The following RB1 variants were observed in gnomAD, a reference collection of about 807,000 sequenced individuals.
RB1 encodes retinoblastoma-associated protein.
RB1 carries 18 observed loss-of-function variants against 135.4 expected under a neutral mutation model. That is an observed-to-expected ratio of 0.13 (90% CI 0.09 to 0.20). The LOEUF (loss-of-function observed/expected upper bound fraction) is 0.20. Ranked by LOEUF, RB1 falls within the 10% of genes least tolerant of loss-of-function variation. The probability of loss-of-function intolerance (pLI) is 1.00; values close to 1 mark genes in which losing one functional copy is unlikely to be tolerated. For synonymous variants in RB1, 365 were observed against 373.2 expected (o/e 0.98, Z 0.25); for missense variants, 868 against 1,110.0 (o/e 0.78, Z 3.10).
chr13:48,431,844 A>T (rs1006777114), intron 17 of RB1, among the ~76,000 whole-genome samples: 2 of 151,920 alleles, frequency 1.3e-5, no homozygotes, highest in Non-Finnish European at 2.9e-5. Flanking sequence ...GCATATTAAA[A>T]TTTTTTCCTG....
At chr13:48,363,092 A>G (rs1028361431) in intron 8 of RB1, 135 bp downstream of exon 8, 1 of 1,094,056 alleles carries the variant, frequency 9.1e-7, no homozygotes, top group Non-Finnish European at 1.3e-6. Flanking sequence ...GTAGCAAAAT[A>G]TTTAGAAAAA....
intron 2 of RB1, among the ~76,000 whole-genome samples, chr13:48,337,956 T>C (rs1952399920): frequency 6.6e-6 from 1 of 152,232 alleles, no homozygotes; most frequent in African/African-American, 2.4e-5. Context: ...TTTGGCTGGA[T>C]ATGAAATTCT....
At chr13:48,312,351 TA>T (rs1952138540) in intron 2 of RB1, among the ~76,000 whole-genome samples, 1 of 152,214 alleles carries the variant, frequency 6.6e-6, no homozygotes, top group African/African-American at 2.4e-5. Context: ...AGCCATTATT[TA>T]TATCTTTTCT....
In RB1 at chr13:48,381,216, A is replaced by T. The variant is rs754630040; in HGVS notation, c.1499-31A>T. The T allele has an allele frequency of 2.5e-6, 4 of 1,569,756 alleles. No homozygotes were observed. In the Admixed American group the frequency reaches 5.4e-5, roughly 21 times the overall value. ...TACCTAGCTCAAGGGTTAATATTTC[A>T]TAAATAGTTACTTTTTTTTTTCATT... On this transcript the variant is annotated intron_variant, in intron 16 of 26. Transcript: ENST00000267163.
chr13:48,456,059 A>G, intron 18 of RB1, 145 bp from the exon 19 acceptor site: 1 of 1,425,918 alleles, frequency 7.0e-7, no homozygotes, highest in Non-Finnish European at 9.3e-7. Flanking sequence ...CTATTAATAT[A>G]TCTTTCCCAG....
intron 2 of RB1, among the ~76,000 whole-genome samples, chr13:48,315,017 T>C (rs1252195971): frequency 6.6e-6 from 1 of 152,186 alleles, no homozygotes; most frequent in East Asian, 1.9e-4. Flanking sequence ...GGGCTCTTTT[T>C]CAGTTCCATA....
intron 5 of RB1, among the ~76,000 whole-genome samples, chr13:48,348,106 C>T (rs1389695660): frequency 2.0e-5 from 3 of 151,904 alleles, no homozygotes; most frequent in Non-Finnish European, 4.4e-5. Flanking sequence ...AGCATATCAC[C>T]AACTCTGAGA....
chr13:48,386,803 C>T (rs1948574395), intron 17 of RB1, among the ~76,000 whole-genome samples: 1 of 152,096 alleles, frequency 6.6e-6, no homozygotes, highest in African/African-American at 2.4e-5. Context: ...TAAACATTTA[C>T]AAGAAGTACA....
chr13:48,303,938 C>A lies in RB1; in HGVS notation c.26C>A (p.Thr9Lys). 6.6e-7 allele frequency: 1 copy of A among 1,509,898 alleles called. No individual in the cohort carries two copies. The highest frequency in any genetic ancestry group is 1.2e-5 in the South Asian group (1 of 81,498). 93.5% of individuals were successfully genotyped at this position (1,509,898 alleles called of 1,614,324 possible). A position where few individuals can be genotyped will look rare whatever the true frequency, so the allele number is the denominator to read the frequency against. The change falls in exon 1 of 27, where the codon ACG (threonine) becomes AAG (lysine). Residue 9 changes from threonine to lysine, a missense_variant. Thr to Lys is a moderately conservative substitution (Grantham distance 78). Around this residue, in one of 3 missense-constraint regions of RB1, gnomAD observed 641 missense variants for 791.3 expected, o/e 0.81. Coordinates refer to ENST00000267163, the MANE Select transcript of RB1 (RefSeq NM_000321.3). MPPKTPRK[T>K]AATAAAAAAE... Reference sequence around the variant, plus strand: ...ATGCCGCCCAAAACCCCCCGAAAAACGGCCGCCACCGCCGCCGCTGCCGCC... The same window carrying A: ...ATGCCGCCCAAAACCCCCCGAAAAAAGGCCGCCACCGCCGCCGCTGCCGCC...
chr13:48,389,485 A>T (rs1196034829), intron 17 of RB1: 1 of 152,220 alleles, frequency 6.6e-6, no homozygotes, highest in South Asian at 2.1e-4. Flanking sequence ...GAATATAAAC[A>T]TATTTTTTAA....
intron 2 of RB1, among the ~76,000 whole-genome samples, chr13:48,333,681 A>C (rs1952356861): frequency 6.6e-6 from 1 of 151,946 alleles, no homozygotes; most frequent in African/African-American, 2.4e-5. Flanking sequence ...GTCTTAACTT[A>C]CACTTTGGTG....
At chr13:48,430,031 C>T (rs1331950659) in intron 17 of RB1, among the ~76,000 whole-genome samples, 2 of 152,108 alleles carry the variant, frequency 1.3e-5, no homozygotes, top group Admixed American at 6.6e-5. Context: ...GTTTGTTCAC[C>T]TGTAGATACT....
At chr13:48,436,071 G>C (rs895165312) in intron 17 of RB1, among the ~76,000 whole-genome samples, 1 of 152,170 alleles carries the variant, frequency 6.6e-6, no homozygotes, top group Admixed American at 6.5e-5. Flanking sequence ...ATTAGGTCCT[G>C]GATGGAACTG....
intron 2 of RB1, among the ~76,000 whole-genome samples, chr13:48,309,769 C>T (rs1216071010): frequency 6.6e-6 from 1 of 152,174 alleles, no homozygotes; most frequent in African/African-American, 2.4e-5. Context: ...AGGTTTCCAG[C>T]CTGGTTCACA....
rs575999907 is a variant in RB1, at chr13:48,457,684, T to A, written c.1960+1335T>A. ...AGCTGCCCTCAGCCCCCGCCTCGGC[T>A]TCCCCCCCGTGCTCGTCAGCGCCCA... On this transcript the variant is annotated intron_variant, in intron 19 of 26. Coordinates refer to ENST00000267163, the MANE Select transcript of RB1 (RefSeq NM_000321.3). Among the ~76,000 whole-genome samples, 5 of 152,242 alleles carry A rather than the reference T, an allele frequency of 3.3e-5. No homozygotes were observed. The East Asian group carries it at 7.7e-4, about 24-fold the overall frequency.
intron 13 of RB1, 69 bp downstream of exon 13, chr13:48,377,103 C>A: frequency 7.0e-7 from 1 of 1,435,374 alleles, no homozygotes; most frequent in Non-Finnish European, 9.8e-7. Context: ...CTTTCCAGTT[C>A]GTATAAATAC....
At position 48,394,367 on chromosome 13, in the gene RB1, G is replaced by A. The variant is rs567411878; in HGVS notation, c.1695+12924G>A. ...GAGCTAGCTGTAGGAGTTTTCTTTC[G>A]TACTCCAGTGGTGCCTGGAATGACA... is the stretch of plus-strand genomic sequence containing the variant. On this transcript the variant is annotated intron_variant, in intron 17 of 26. Transcript: ENST00000267163. Among the ~76,000 whole-genome samples the A allele has an allele frequency of 3.9e-5, 6 of 152,234 alleles. No individual in the cohort carries two copies. In the South Asian group the frequency reaches 6.2e-4, roughly 16 times the overall value.
At chr13:48,352,374 T>G (rs563889947) in intron 6 of RB1, among the ~76,000 whole-genome samples, 1 of 152,110 alleles carries the variant, frequency 6.6e-6, no homozygotes, top group Non-Finnish European at 1.5e-5. Context: ...AATAGTTTTT[T>G]TTTTTTTATT....
intron 17 of RB1, among the ~76,000 whole-genome samples, chr13:48,394,095 C>T (rs9591164): frequency 0.012 from 1,785 of 152,196 alleles, 30 homozygotes; most frequent in African/African-American, 0.037. Flanking sequence ...ATGCAGCCCA[C>T]GGAGGGCAAG....
Sources: gnomAD v4.1 joint callset for allele counts (sites outside exome capture counted in the v4.1 genomes callset) on GRCh38, gnomAD v4.1.1 for gene constraint, gnomAD v4.1.1 regional missense constraint, MANE v1.5 for transcripts, NCBI Gene and HGNC (gene_info 2026-07-23, HGNC 2026-07-21) for gene names.